SLC25A28: variants seen among roughly 807,000 people sequenced by gnomAD.
The protein encoded by SLC25A28 is mitoferrin-2.
In SLC25A28, 10 loss-of-function variants were observed where a neutral mutation model predicts 31.9. The ratio of observed to expected loss-of-function variants is 0.31; its 90% CI spans 0.19 to 0.53. The LOEUF is 0.53. Among genes scored for constraint, SLC25A28 ranks in the 20% least tolerant of loss-of-function variants. SLC25A28 has a pLI of 0.95. For missense variants in SLC25A28, 256 were observed against 490.3 expected, an observed-to-expected ratio of 0.52 and a Z score of 4.51; for synonymous variants, 208 against 203.6, an observed-to-expected ratio of 1.02 and a Z score of -0.19.
the SLC25A28 span, among the ~76,000 whole-genome samples, chr10:99,645,964 C>T: frequency 0.43 from 65,568 of 152,038 alleles, 14,626 homozygotes; most frequent in Middle Eastern, 0.64. Context: ...AGGTGTCAGT[C>T]GGCCCCTACT....
chr10:99,631,554 C>T, the SLC25A28 span, among the ~76,000 whole-genome samples: 1 of 152,114 alleles, frequency 6.6e-6, no homozygotes, highest in South Asian at 2.1e-4. Flanking sequence ...TTCTCCAGAT[C>T]AAGGTAATAA....
At chr10:99,628,253 A>C in the SLC25A28 span, among the ~76,000 whole-genome samples, 43 of 152,324 alleles carry the variant, frequency 2.8e-4, no homozygotes, top group African/African-American at 9.9e-4. Context: ...AAACAAGAAA[A>C]AGCTGAGTAA....
rs2034760852 is a variant in SLC25A28, at chr10:99,620,363, C to CCCG, written c.-31_-29dup. The CCCG allele has an allele frequency of 9.0e-7, 1 of 1,105,822 alleles. No homozygotes were observed. The highest frequency in any genetic ancestry group is 1.1e-6 in the Non-Finnish European group (1 of 907,848). 68.5% of individuals were successfully genotyped at this position (1,105,822 alleles called of 1,614,324 possible). On this transcript the variant is annotated 5_prime_UTR_variant, in exon 1 of 4. Coordinates refer to ENST00000370495, the MANE Select transcript of SLC25A28 (RefSeq NM_031212.4). The stretch of plus-strand genomic sequence containing the variant: ...ACCCGGGCCAGCTGCGGCGCCCACC[C>CCCG]CCGCCGCCGCTGCCACCACTGCCGC...
the SLC25A28 span, among the ~76,000 whole-genome samples, chr10:99,643,567 C>G: frequency 6.6e-6 from 1 of 152,180 alleles, no homozygotes; most frequent in Admixed American, 6.5e-5. Context: ...CTATCTCCTT[C>G]AGTTCTGCTC....
At chr10:99,612,185 A>T (rs192486454) in intron 3 of SLC25A28, among the ~76,000 whole-genome samples, 5 of 152,296 alleles carry the variant, frequency 3.3e-5, no homozygotes, top group Admixed American at 3.3e-4. Flanking sequence ...AATTCCTGCA[A>T]ATCATAAGGG....
Position 99,613,923 on chromosome 10 carries a change from G to T in SLC25A28, c.293C>A (p.Thr98Asn). 1 of 1,597,960 alleles carries T rather than the reference G, an allele frequency of 6.3e-7. No individual in the cohort carries two copies. Among genetic ancestry groups the T allele is most frequent in the South Asian group, 1.1e-5 (1 of 89,650 alleles). ...GTCAGGCTGTAGACTCTGCATCCGG[G>T]TCTGAAATTACAGCAAGGAGAAGCG... ...CVMYPIDCVK[T>N]RMQSLQPDPA... The change falls in exon 2 of 4, where the codon ACC becomes AAC. Residue 98 changes from threonine (T) to asparagine (N), a missense_variant and splice_region_variant. Thr to Asn is a moderately conservative substitution (Grantham distance 65). Transcript: ENST00000370495. This position sits in a 1 kb window ranked among gnomAD's most constrained non-coding sequence, Gnocchi z 4.9.
At chr10:99,623,154 G>A (rs2034825268), upstream of SLC25A28, among the ~76,000 whole-genome samples, 1 of 152,208 alleles carries the variant, frequency 6.6e-6, no homozygotes, top group Admixed American at 6.5e-5. Context: ...AGAAGGGCAT[G>A]CCAGCAGAAG....
intron 1 of SLC25A28, chr10:99,619,470 C>T: frequency 1.1e-6 from 1 of 943,954 alleles, no homozygotes; most frequent in Non-Finnish European, 1.3e-6. Flanking sequence ...TACGATCTTT[C>T]CCACATTACT....
upstream of SLC25A28, among the ~76,000 whole-genome samples, chr10:99,624,255 T>TTC (rs71009767): frequency 6.7e-6 from 1 of 148,780 alleles, no homozygotes; most frequent in Non-Finnish European, 1.5e-5. Context: ...TTCTTTTTCT[T>TTC]TCTCTCTCTC....
chr10:99,621,499 G>C (rs2034794553), upstream of SLC25A28: 4 of 152,348 alleles, frequency 2.6e-5, no homozygotes, highest in Admixed American at 2.6e-4. Context: ...TGAAGCATCA[G>C]TATTTTGTCC....
intron 1 of SLC25A28, chr10:99,617,175 T>G (rs2034676983): frequency 1.0e-6 from 1 of 985,424 alleles, no homozygotes; most frequent in Non-Finnish European, 1.2e-6. Context: ...CTGACTGTTT[T>G]GGGTTGCAGA....
chr10:99,631,841 G>GA, the SLC25A28 span, among the ~76,000 whole-genome samples: 1 of 147,488 alleles, frequency 6.8e-6, no homozygotes. Flanking sequence ...AAAATAATGG[G>GA]AAAAAATGCA....
Position 99,613,561 on chromosome 10 carries a change from A to G in SLC25A28, c.520+135T>C. On this transcript the variant is annotated intron_variant, in intron 2 of 3. Transcript: ENST00000370495. This position sits in a 1 kb window ranked among gnomAD's most constrained non-coding sequence, Gnocchi z 4.9. ...GTTGTCTGAGAACATCAGGTTTGGA[A>G]GTCCCTCCCTTATAATCTGGCCTAT... The G allele has an allele frequency of 6.6e-7, 1 of 1,509,144 alleles. No homozygotes were observed. Among genetic ancestry groups the G allele is most frequent in the South Asian group, 1.3e-5 (1 of 78,438 alleles). The allele number at this position is 1,509,144 out of a possible 1,614,324, so 93.5% of individuals were successfully genotyped here. A position where few individuals can be genotyped will look rare whatever the true frequency, so the allele number is the denominator to read the frequency against.
At chr10:99,612,182 G>A (rs2034539641) in intron 3 of SLC25A28, among the ~76,000 whole-genome samples, 1 of 151,978 alleles carries the variant, frequency 6.6e-6, no homozygotes, top group Non-Finnish European at 1.5e-5. Context: ...GTCAATTCCT[G>A]CAAATCATAA....
At chr10:99,631,844 AAAATGCATCTGTACTG>A in the SLC25A28 span, among the ~76,000 whole-genome samples, 1 of 152,020 alleles carries the variant, frequency 6.6e-6, no homozygotes, top group African/African-American at 2.4e-5. Flanking sequence ...ATAATGGGAA[AAAATGCATCTGTACTG>A]AACACGCTCA....
At chr10:99,622,603 T>C (rs1565025522), upstream of SLC25A28, 1 of 976,140 alleles carries the variant, frequency 1.0e-6, no homozygotes, top group Non-Finnish European at 1.2e-6. Flanking sequence ...CCCGTTTTTC[T>C]TAACAGAGAT....
At chr10:99,649,322 T>C in the SLC25A28 span, among the ~76,000 whole-genome samples, 3 of 152,220 alleles carry the variant, frequency 2.0e-5, no homozygotes, top group Non-Finnish European at 4.4e-5. Flanking sequence ...TGGTGTATTA[T>C]CTTTTTGATA....
In SLC25A28 at chr10:99,611,767, C is replaced by T. The variant is rs2034528747; in HGVS notation, c.578-401G>A. Among the ~76,000 whole-genome samples the T allele has an allele frequency of 6.6e-6, 1 of 152,138 alleles. No homozygotes were observed. Among genetic ancestry groups the T allele is most frequent in the African/African-American group, 2.4e-5 (1 of 41,424 alleles). On this transcript the variant is annotated intron_variant, in intron 3 of 3. Transcript: ENST00000370495. This position sits in a 1 kb window ranked among gnomAD's most constrained non-coding sequence, Gnocchi z 5.5. The stretch of plus-strand genomic sequence containing the variant: ...ACAGGCCCCTAACAATCCCAATCCT[C>T]GCATACAAAGAGCACCTAACTTTTA...
At chr10:99,631,891 A>ATTTTTTTTTTT in the SLC25A28 span, among the ~76,000 whole-genome samples, 1 of 122,284 alleles carries the variant, frequency 8.2e-6, no homozygotes, top group East Asian at 2.3e-4. Context: ...TTTTTTTTTT[A>ATTTTTTTTTTT]TTTTTTTTTT....
Sources: allele counts gnomAD v4.1 joint callset (sites outside exome capture counted in the v4.1 genomes callset), GRCh38; gene constraint gnomAD v4.1.1; non-coding constraint Gnocchi (gnomAD v3.1); transcripts MANE v1.5; gene names NCBI Gene and HGNC (gene_info 2026-07-23, HGNC 2026-07-21).